Variants in MYT1L observed in about 807,000 individuals in gnomAD.
The protein encoded by MYT1L is myelin transcription factor 1 like, also known as myelin transcription factor 1-like protein.
Under a neutral mutation model 126.7 loss-of-function variants are expected in MYT1L, and 12 were observed. The observed-to-expected ratio is 0.09, with a 90% CI of 0.06 to 0.15. The LOEUF (loss-of-function observed/expected upper bound fraction) is 0.15. Among genes scored for constraint, MYT1L ranks in the 10% least tolerant of loss-of-function variants. MYT1L has a pLI of 1.00. For missense variants in MYT1L, 979 were observed against 1,585.2 expected (o/e 0.62, Z 6.49); for synonymous variants, 541 against 604.2 (o/e 0.90, Z 1.53).
In MYT1L at chr2:1,922,734, G is replaced by C; in HGVS notation, c.1035C>G (p.Asn345Lys). The change falls in exon 10 of 25, where the codon AAC becomes AAG. Residue 345 changes from asparagine to lysine, a missense_variant. Asn to Lys is a moderately conservative substitution (Grantham distance 94). Coordinates refer to ENST00000647738, the MANE Select transcript of MYT1L (RefSeq NM_001303052.2). This position sits in a 1 kb window ranked among gnomAD's most constrained non-coding sequence, Gnocchi z 7.4. Reference sequence around the variant, plus strand: ...TCTGCTGCGGATTCCTCTCCTGCGGGTTGGTCTCACTGAGCTTCCTGGCCA... The same window carrying C: ...TCTGCTGCGGATTCCTCTCCTGCGGCTTGGTCTCACTGAGCTTCCTGGCCA... ...FDLARKLSET[N>K]PQERNPQQNM... The C allele has an allele frequency of 6.2e-7, 1 of 1,613,926 alleles. No individual in the cohort carries two copies. Among genetic ancestry groups the C allele is most frequent in the Non-Finnish European group, 8.5e-7 (1 of 1,179,894 alleles).
intron 18 of MYT1L, among the ~76,000 whole-genome samples, chr2:1,869,619 T>C (rs776015580): frequency 7.2e-5 from 11 of 152,242 alleles, no homozygotes; most frequent in Non-Finnish European, 1.3e-4. Flanking sequence ...CAGGACTTCA[T>C]GCTGCCGTTT....
At chr2:2,206,032 G>C (rs2093304735) in intron 2 of MYT1L, among the ~76,000 whole-genome samples, 1 of 150,360 alleles carries the variant, frequency 6.7e-6, no homozygotes, top group African/African-American at 2.5e-5. Flanking sequence ...ACCCAGGCTG[G>C]AGTGCAGTGG....
At chr2:1,938,096 C>G (rs1440226605) in intron 9 of MYT1L, among the ~76,000 whole-genome samples, 2 of 152,220 alleles carry the variant, frequency 1.3e-5, no homozygotes, top group Non-Finnish European at 2.9e-5. Context: ...GCTGCACACA[C>G]GCAAGCTTTC....
At chr2:2,185,503 G>T (rs928088810) in intron 2 of MYT1L, among the ~76,000 whole-genome samples, 1 of 115,664 alleles carries the variant, frequency 8.6e-6, no homozygotes, top group Non-Finnish European at 1.8e-5. Flanking sequence ...GGCCTTCCGG[G>T]CCTTCCCGAG....
chr2:2,052,651 C>G (rs1367960409), intron 4 of MYT1L, among the ~76,000 whole-genome samples: 1 of 152,114 alleles, frequency 6.6e-6, no homozygotes, highest in Non-Finnish European at 1.5e-5. Flanking sequence ...GCAAATGTCC[C>G]ATAAACACAT....
chr2:2,188,952 G>C (rs139469983), intron 2 of MYT1L, among the ~76,000 whole-genome samples: 1 of 152,122 alleles, frequency 6.6e-6, no homozygotes, highest in Non-Finnish European at 1.5e-5. Context: ...TCTCACACAT[G>C]CTTCAAGTGA....
At chr2:1,997,729 C>T (rs1333999863) in intron 4 of MYT1L, among the ~76,000 whole-genome samples, 1 of 152,148 alleles carries the variant, frequency 6.6e-6, no homozygotes, top group Non-Finnish European at 1.5e-5. Flanking sequence ...GTAGACTCAG[C>T]CCGTGTGGCA....
chr2:2,149,125 T>C (rs2085339570), intron 3 of MYT1L, among the ~76,000 whole-genome samples: 1 of 152,204 alleles, frequency 6.6e-6, no homozygotes, highest in South Asian at 2.1e-4. Flanking sequence ...TCTTCCTTCC[T>C]TCCTCTCTTT....
Position 1,839,107 on chromosome 2 carries a change from C to A in MYT1L, c.3080+42G>T, listed in dbSNP as rs117052831. ...ACCAGCCGTGCCAGTCGGCTCTCGG[C>A]GGCACCATCCCAGCCAGGGTCCCGC... On this transcript the variant is annotated intron_variant, in intron 21 of 24. Coordinates refer to ENST00000647738, the MANE Select transcript of MYT1L (RefSeq NM_001303052.2). The A allele has an allele frequency of 1.7e-3, 2,639 of 1,539,602 alleles. 28 individuals are homozygous for A. The East Asian group carries it at 0.023, about 13-fold the overall frequency.
chr2:2,156,086 T>C (rs1288992702), intron 3 of MYT1L, among the ~76,000 whole-genome samples: 5 of 152,178 alleles, frequency 3.3e-5, no homozygotes, highest in Admixed American at 2.0e-4. Flanking sequence ...AAAGGTATTA[T>C]TACCTTAAAT....
chr2:1,906,575 TTA>T (rs2051089044), intron 13 of MYT1L, among the ~76,000 whole-genome samples: 1 of 152,136 alleles, frequency 6.6e-6, no homozygotes, highest in Non-Finnish European at 1.5e-5. Context: ...ATATATCCAA[TTA>T]TATATATGTA....
chr2:2,236,804 TC>T (rs1559421194), intron 2 of MYT1L, among the ~76,000 whole-genome samples: 45 of 20,322 alleles, frequency 2.2e-3, no homozygotes, highest in African/African-American at 3.1e-3. Context: ...TTCTTCTTCT[TC>T]TTCTTCTTCT....
chr2:1,976,582 C>A (rs1389858726), intron 8 of MYT1L, among the ~76,000 whole-genome samples: 1 of 152,168 alleles, frequency 6.6e-6, no homozygotes, highest in Non-Finnish European at 1.5e-5. Flanking sequence ...ACAGAGGTTG[C>A]AGTGAGCCAA....
At chr2:2,065,393 A>C (rs559353785) in intron 3 of MYT1L, among the ~76,000 whole-genome samples, 2 of 152,334 alleles carry the variant, frequency 1.3e-5, no homozygotes, top group South Asian at 4.1e-4. Context: ...CCTTGACAGC[A>C]CATCTCCTCT....
chr2:2,180,380 C>T (rs114953837), intron 2 of MYT1L, among the ~76,000 whole-genome samples: 21 of 147,758 alleles, frequency 1.4e-4, no homozygotes, highest in African/African-American at 5.2e-4. Flanking sequence ...AAAAAAACAA[C>T]AACCTGTATC....
At chr2:2,157,649 C>T (rs2086945559) in intron 3 of MYT1L, among the ~76,000 whole-genome samples, 2 of 152,216 alleles carry the variant, frequency 1.3e-5, no homozygotes, top group Non-Finnish European at 2.9e-5. Context: ...AACATTGAGA[C>T]ACGCCTCCTG....
intron 14 of MYT1L, chr2:1,902,822 T>G: frequency 2.1e-6 from 1 of 477,640 alleles, no homozygotes; most frequent in East Asian, 4.0e-5. Context: ...CCTCTCCACA[T>G]TCCACGAGCA....
At chr2:2,073,368 T>C (rs2074840553) in intron 3 of MYT1L, among the ~76,000 whole-genome samples, 1 of 152,006 alleles carries the variant, frequency 6.6e-6, no homozygotes, top group Non-Finnish European at 1.5e-5. Context: ...GCTGTATCTC[T>C]TACTGTAAGA....
intron 1 of MYT1L, chr2:2,326,457 A>G (rs572091692): frequency 6.6e-6 from 1 of 152,424 alleles, no homozygotes; most frequent in African/African-American, 2.4e-5. Context: ...GAGCCCTGCT[A>G]GACACCACTG....
Sources: gnomAD v4.1 joint callset for allele counts (sites outside exome capture counted in the v4.1 genomes callset) on GRCh38, gnomAD v4.1.1 for gene constraint, Gnocchi (gnomAD v3.1) non-coding constraint, MANE v1.5 for transcripts, NCBI Gene and HGNC (gene_info 2026-07-23, HGNC 2026-07-21) for gene names.